The following GMNN variants were observed in gnomAD, a reference collection of about 807,000 sequenced individuals.
The protein encoded by GMNN is geminin DNA replication inhibitor.
A neutral mutation model predicts 20.9 loss-of-function variants in GMNN; 14 were observed. The observed-to-expected ratio is 0.67, with a 90% confidence interval of 0.44 to 1.05. The LOEUF (loss-of-function observed/expected upper bound fraction) is 1.05, where lower values mean the gene tolerates loss of function less well. GMNN is among the 50% of genes least tolerant of loss of function. The pLI, the probability that GMNN is intolerant of heterozygous loss-of-function variation, is 0.00. For missense variants in GMNN, 227 were observed against 243.8 expected, an observed-to-expected ratio of 0.93 and a Z score of 0.46; for synonymous variants, 81 against 85.8, an observed-to-expected ratio of 0.94 and a Z score of 0.31.
intron 5 of GMNN, 65 bp from the exon 6 acceptor site, chr6:24,784,379 G>A (rs1780295252): frequency 1.3e-6 from 1 of 784,804 alleles, no homozygotes; most frequent in South Asian, 1.4e-5. Context: ...TATACTTGGA[G>A]GTATGTAATT....
At chr6:24,781,374 A>T in intron 3 of GMNN, 103 bp from the exon 4 acceptor site, 1 of 627,882 alleles carries the variant, frequency 1.6e-6, no homozygotes, top group Non-Finnish European at 2.7e-6. Context: ...GATGTGAAAA[A>T]GTTAGATATG....
chr6:24,785,794 A>C lies in GMNN; in HGVS notation c.625A>C (p.Ile209Leu), dbSNP rs763243933. Residue 209 changes from isoleucine (I) to leucine (L), a missense_variant, in exon 7 of 7, where the codon ATA (isoleucine) becomes CTA (leucine). Coordinates refer to ENST00000230056, the MANE Select transcript of GMNN (RefSeq NM_015895.5). ...TTCCTCTACGGATGCAAAGCCATGTATATGAAATGCATTAATATTTGACTG... is the reference window on the plus strand; with the variant it reads ...TTCCTCTACGGATGCAAAGCCATGTCTATGAAATGCATTAATATTTGACTG... ...VSSSTDAKPC[I>L] is the part of the protein sequence containing the mutation. 21 of 1,563,908 alleles carry C rather than the reference A, an allele frequency of 1.3e-5. No homozygotes were observed. Among genetic ancestry groups the C allele is most frequent in the Non-Finnish European group, 1.7e-5 (20 of 1,153,440 alleles).
In GMNN at chr6:24,785,837, G is replaced by A. The variant is rs199526802; in HGVS notation, c.*38G>A. 2.6e-4 allele frequency: 331 copies of A among 1,265,942 alleles called. No homozygotes were observed. The highest frequency in any genetic ancestry group is 3.4e-4 in the South Asian group (26 of 76,016). 78.4% of individuals were successfully genotyped at this position (1,265,942 alleles called of 1,614,324 possible). On this transcript the variant is annotated 3_prime_UTR_variant, in exon 7 of 7. Transcript: ENST00000230056. ...TTTGACTGTTGAGAATTTTACTGCC[G>A]AAGTTTACCTCCACTAGTTCTTTGT...
At chr6:24,781,359 C>T in intron 3 of GMNN, 118 bp from the exon 4 acceptor site, 1 of 539,398 alleles carries the variant, frequency 1.9e-6, no homozygotes, top group Non-Finnish European at 3.3e-6. Flanking sequence ...TTTTAAAGAT[C>T]CAGAGATGTG....
chr6:24,779,535 C>T (rs1392392071), intron 2 of GMNN, among the ~76,000 whole-genome samples: 1 of 152,030 alleles, frequency 6.6e-6, no homozygotes, highest in African/African-American at 2.4e-5. Context: ...AATATTTGTC[C>T]TCACAGTAGC....
At chr6:24,784,677 ACTTC>A in intron 6 of GMNN, 123 bp downstream of exon 6, 1 of 514,698 alleles carries the variant, frequency 1.9e-6, no homozygotes, top group Non-Finnish European at 3.5e-6. Context: ...TTAAGACTTA[ACTTC>A]CTTCCTAACA....
chr6:24,785,792 G>A lies in GMNN; in HGVS notation c.623G>A (p.Cys208Tyr). 1.3e-6 allele frequency: 2 copies of A among 1,570,190 alleles called. No individual in the cohort carries two copies. The highest frequency in any genetic ancestry group is 1.7e-6 in the Non-Finnish European group (2 of 1,157,770). The change falls in exon 7 of 7, where the codon TGT (cysteine) becomes TAT (tyrosine). Residue 208 changes from cysteine (C) to tyrosine (Y), a missense_variant. Coordinates refer to ENST00000230056, the MANE Select transcript of GMNN (RefSeq NM_015895.5). Reference protein sequence around the residue: ...TVSSSTDAKPCI With the variant: ...TVSSSTDAKPYI ...TCTTCCTCTACGGATGCAAAGCCAT[G>A]TATATGAAATGCATTAATATTTGAC...
At chr6:24,780,638 A>C in intron 2 of GMNN, 25 bp from the exon 3 acceptor site, 1 of 1,327,658 alleles carries the variant, frequency 7.5e-7, no homozygotes, top group South Asian at 1.2e-5. Context: ...CAGTAACAAG[A>C]TAATGAATTA....
chr6:24,784,059 T>A, intron 4 of GMNN, 28 bp from the exon 5 acceptor site: 1 of 1,058,544 alleles, frequency 9.4e-7, no homozygotes, highest in Non-Finnish European at 1.4e-6. Context: ...TAATGATTTT[T>A]AAAGTTATAT....
chr6:24,783,733 G>T, intron 4 of GMNN, among the ~76,000 whole-genome samples: 1 of 152,114 alleles, frequency 6.6e-6, no homozygotes, highest in Non-Finnish European at 1.5e-5. Flanking sequence ...TCTAATCATG[G>T]AGACAGAAAT....
In GMNN at chr6:24,785,844, A is replaced by T; in HGVS notation, c.*45A>T. The stretch of plus-strand genomic sequence containing the variant: ...GTTGAGAATTTTACTGCCGAAGTTT[A>T]CCTCCACTAGTTCTTTGTAGCAGAG... On this transcript the variant is annotated 3_prime_UTR_variant, in exon 7 of 7. Coordinates refer to ENST00000230056, the MANE Select transcript of GMNN (RefSeq NM_015895.5). 1 of 1,177,436 alleles carries T rather than the reference A, an allele frequency of 8.5e-7. No homozygotes were observed. The highest frequency in any genetic ancestry group is 2.4e-5 in the East Asian group (1 of 41,064). 72.9% of individuals were successfully genotyped at this position (1,177,436 alleles called of 1,614,324 possible).
intron 4 of GMNN, among the ~76,000 whole-genome samples, chr6:24,783,189 A>C (rs752769483): frequency 1.8e-4 from 28 of 152,334 alleles, no homozygotes; most frequent in Admixed American, 7.8e-4. Flanking sequence ...TCATCTTGGA[A>C]GGATTCTCAC....
chr6:24,776,509 G>A (rs1780074672), intron 1 of GMNN, among the ~76,000 whole-genome samples: 3 of 152,178 alleles, frequency 2.0e-5, no homozygotes, highest in Admixed American at 2.0e-4. Context: ...ATGTATTAAT[G>A]TTAGAAGCCA....
intron 1 of GMNN, among the ~76,000 whole-genome samples, chr6:24,776,603 T>TAGTG (rs1780077610): frequency 6.6e-6 from 1 of 152,072 alleles, no homozygotes; most frequent in African/African-American, 2.4e-5. Flanking sequence ...GGCCAATGGG[T>TAGTG]AGTGGGCAGT....
At chr6:24,782,809 C>T (rs749885084) in intron 4 of GMNN, among the ~76,000 whole-genome samples, 5 of 150,896 alleles carry the variant, frequency 3.3e-5, no homozygotes, top group Non-Finnish European at 5.9e-5. Context: ...AAAATAACTG[C>T]GAAGAAATCC....
chr6:24,785,750 G>GT lies in GMNN; in HGVS notation c.582dup (p.Ala195CysfsTer2), dbSNP rs766435020. The GT allele has an allele frequency of 6.3e-7, 1 of 1,590,610 alleles. No homozygotes were observed. The highest frequency in any genetic ancestry group is 1.1e-5 in the South Asian group (1 of 88,172). On this transcript the variant is annotated frameshift_variant, in exon 7 of 7. Transcript: ENST00000230056. LOFTEE classifies it high-confidence loss of function. The stretch of plus-strand genomic sequence containing the variant: ...GTGGAAGACTCAGAAATTGGCACGT[G>GT]TGCTGAAGGAACTGTATCTTCCTCT...
intron 1 of GMNN, among the ~76,000 whole-genome samples, chr6:24,776,309 G>A (rs1360773722): frequency 6.6e-6 from 1 of 152,096 alleles, no homozygotes; most frequent in Admixed American, 6.5e-5. Flanking sequence ...TATTGGCCAG[G>A]CTGGTTTCGA....
chr6:24,780,293 C>A (rs2113576076), intron 2 of GMNN, among the ~76,000 whole-genome samples: 1 of 152,238 alleles, frequency 6.6e-6, no homozygotes, highest in East Asian at 1.9e-4. Flanking sequence ...TTCATTGGAG[C>A]TGAGGAATTT....
intron 3 of GMNN, among the ~76,000 whole-genome samples, chr6:24,781,249 A>C (rs1023069904): frequency 9.9e-5 from 15 of 151,166 alleles, no homozygotes; most frequent in African/African-American, 3.7e-4. Flanking sequence ...AAATAATTTC[A>C]GCTAAGCTCT....
Sources: allele counts gnomAD v4.1 joint callset (sites outside exome capture counted in the v4.1 genomes callset), GRCh38; gene constraint gnomAD v4.1.1; transcripts MANE v1.5; gene names NCBI Gene and HGNC (gene_info 2026-07-23, HGNC 2026-07-21).